The following ZBTB7C variants were observed in gnomAD, a reference collection of about 807,000 sequenced individuals.
The protein encoded by ZBTB7C is zinc finger and BTB domain containing 7C.
Under a neutral mutation model 25.7 loss-of-function variants are expected in ZBTB7C, and 8 were observed. The ratio of observed to expected loss-of-function variants is 0.31; its 90% CI spans 0.18 to 0.56. The LOEUF is 0.56. Ranked by LOEUF, ZBTB7C falls within the 20% of genes least tolerant of loss-of-function variation. The pLI is 0.91. For synonymous variants in ZBTB7C, 394 were observed against 369.0 expected, an observed-to-expected ratio of 1.07 and a Z score of -0.78; for missense variants, 824 against 855.2, an observed-to-expected ratio of 0.96 and a Z score of 0.46.
intron 3 of ZBTB7C, among the ~76,000 whole-genome samples, chr18:48,132,902 T>C (rs1273391676): frequency 6.6e-6 from 1 of 152,246 alleles, no homozygotes; most frequent in East Asian, 1.9e-4. Flanking sequence ...CAGATTTTCC[T>C]GAAGGCCAAG....
At chr18:48,318,885 T>C (rs976505624) in intron 2 of ZBTB7C, among the ~76,000 whole-genome samples, 4 of 152,160 alleles carry the variant, frequency 2.6e-5, no homozygotes, top group Non-Finnish European at 2.9e-5. Flanking sequence ...TTCCAGCCTG[T>C]TCCCCTCCCC....
Position 48,307,561 on chromosome 18 carries a change from C to T in ZBTB7C, c.-79+30613G>A, listed in dbSNP as rs184574168. Among the ~76,000 whole-genome samples, 6 of 152,326 alleles carry T rather than the reference C, an allele frequency of 3.9e-5. No homozygotes were observed. The East Asian group carries it at 1.2e-3, about 29-fold the overall frequency. Reference sequence around the variant, plus strand: ...GCAATGTATAATGCTGTTTAAAACCCACCTCTGGCCGGGTGCGGTGGCTCA... The same window carrying T: ...GCAATGTATAATGCTGTTTAAAACCTACCTCTGGCCGGGTGCGGTGGCTCA... On this transcript the variant is annotated intron_variant, in intron 2 of 4. Coordinates refer to ENST00000590800, the MANE Select transcript of ZBTB7C (RefSeq NM_001318841.2).
chr18:48,271,275 A>G (rs2044478521), intron 2 of ZBTB7C, among the ~76,000 whole-genome samples: 2 of 152,138 alleles, frequency 1.3e-5, no homozygotes, highest in South Asian at 4.1e-4. Flanking sequence ...AACGTCACAC[A>G]GAGGGTACAA....
At position 48,104,340 on chromosome 18, in the gene ZBTB7C, C is replaced by T. The variant is rs75278115; in HGVS notation, c.-16-63217G>A. On this transcript the variant is annotated intron_variant, in intron 3 of 4. Coordinates refer to ENST00000590800, the MANE Select transcript of ZBTB7C (RefSeq NM_001318841.2). ...CTTCCTTCCTCTCATGATGTGATGC[C>T]AGCTCCCCTTCCTCTTCCACCATGA... is the stretch of plus-strand genomic sequence containing the variant. Among the ~76,000 whole-genome samples the T allele has an allele frequency of 8.4e-3, 1,276 of 152,212 alleles. 24 individuals are homozygous for T. The highest frequency in any genetic ancestry group is 5.6e-3 in the South Asian group (27 of 4,814).
intron 2 of ZBTB7C, among the ~76,000 whole-genome samples, chr18:48,204,212 A>G (rs541931048): frequency 1.3e-5 from 2 of 152,306 alleles, no homozygotes; most frequent in South Asian, 4.1e-4. Flanking sequence ...GGGTCCTCAC[A>G]GAGACAGCAG....
chr18:48,358,222 G>A (rs376873075), intron 1 of ZBTB7C, among the ~76,000 whole-genome samples: 3 of 152,130 alleles, frequency 2.0e-5, no homozygotes, highest in East Asian at 3.9e-4. Context: ...CATGGTGGCG[G>A]GCACCTGTAA....
chr18:48,057,975 C>T (rs1221604734), intron 3 of ZBTB7C, among the ~76,000 whole-genome samples: 1 of 152,180 alleles, frequency 6.6e-6, no homozygotes, highest in Middle Eastern at 3.2e-3. Flanking sequence ...GCAAGCTGTG[C>T]ATCACAGCTG....
intron 1 of ZBTB7C, among the ~76,000 whole-genome samples, chr18:48,341,248 TC>T (rs1384516589): frequency 5.9e-5 from 9 of 152,164 alleles, no homozygotes; most frequent in Non-Finnish European, 2.9e-5. Context: ...GGAGCTCTTT[TC>T]CCCCGGAGAT....
intron 2 of ZBTB7C, among the ~76,000 whole-genome samples, chr18:48,215,223 G>T (rs945477678): frequency 6.6e-6 from 1 of 152,140 alleles, no homozygotes; most frequent in Non-Finnish European, 1.5e-5. Context: ...CGGTCCACTT[G>T]GGGTAGACTC....
chr18:48,040,179 A>T lies in ZBTB7C; in HGVS notation c.929T>A (p.Phe310Tyr). Residue 310 changes from phenylalanine (F) to tyrosine (Y), a missense_variant, in exon 4 of 5, where the codon TTC (phenylalanine) becomes TAC (tyrosine). Coordinates refer to ENST00000590800, the MANE Select transcript of ZBTB7C (RefSeq NM_001318841.2). ...CGGCAGGTCAGGGAACATGTCCTTGAAGAAGTCATTAGGGAAGGGTGGCGG... is the reference window on the plus strand; with the variant it reads ...CGGCAGGTCAGGGAACATGTCCTTGTAGAAGTCATTAGGGAAGGGTGGCGG... ...PPPPPFPNDF[F>Y]KDMFPDLPGG... is the part of the protein sequence containing the mutation. The T allele has an allele frequency of 1.9e-6, 3 of 1,576,362 alleles. No individual in the cohort carries two copies. The highest frequency in any genetic ancestry group is 1.7e-6 in the Non-Finnish European group (2 of 1,162,292).
chr18:48,048,679 T>C (rs2036565782), intron 3 of ZBTB7C, among the ~76,000 whole-genome samples: 1 of 152,196 alleles, frequency 6.6e-6, no homozygotes, highest in Non-Finnish European at 1.5e-5. Flanking sequence ...AGACATCTTA[T>C]GGGTGTTTTT....
At chr18:48,134,439 G>GT (rs140405371) in intron 3 of ZBTB7C, among the ~76,000 whole-genome samples, 6,804 of 152,286 alleles carry the variant, frequency 0.045, 177 homozygotes, top group Middle Eastern at 0.1. Context: ...AAATGGCATT[G>GT]TAAGTGGAGA....
intron 2 of ZBTB7C, among the ~76,000 whole-genome samples, chr18:48,241,388 A>G (rs572212033): frequency 2.0e-5 from 3 of 152,324 alleles, no homozygotes; most frequent in African/African-American, 7.2e-5. Context: ...TCTACCCAAC[A>G]ACTGCAGAAT....
chr18:48,282,575 T>G (rs1463595463), intron 2 of ZBTB7C, among the ~76,000 whole-genome samples: 1 of 152,098 alleles, frequency 6.6e-6, no homozygotes, highest in African/African-American at 2.4e-5. Flanking sequence ...GTAGCATTGG[T>G]TTTAATAGTC....
chr18:48,201,272 A>G (rs944375584), intron 2 of ZBTB7C, among the ~76,000 whole-genome samples: 3 of 152,358 alleles, frequency 2.0e-5, no homozygotes, highest in South Asian at 2.1e-4. Flanking sequence ...TTTAAAAAAC[A>G]TCAACATCAA....
At chr18:48,389,342 G>A (rs1362206784) in intron 1 of ZBTB7C, among the ~76,000 whole-genome samples, 1 of 136,240 alleles carries the variant, frequency 7.3e-6, no homozygotes, top group Non-Finnish European at 1.5e-5. Flanking sequence ...AGAACAGGGT[G>A]AAGGCAGAGG....
chr18:48,216,342 G>C (rs2042822488), intron 2 of ZBTB7C, among the ~76,000 whole-genome samples: 1 of 152,156 alleles, frequency 6.6e-6, no homozygotes, highest in African/African-American at 2.4e-5. Flanking sequence ...GCCTGAGGGG[G>C]TAGAAAATGC....
At chr18:48,406,140 A>AC (rs1418562493) in intron 1 of ZBTB7C, among the ~76,000 whole-genome samples, 5 of 151,828 alleles carry the variant, frequency 3.3e-5, no homozygotes, top group African/African-American at 1.2e-4. Flanking sequence ...CAGATCCCAC[A>AC]CCCCCGCCCC....
chr18:48,232,785 T>G (rs1251836561), intron 2 of ZBTB7C, among the ~76,000 whole-genome samples: 2 of 152,212 alleles, frequency 1.3e-5, no homozygotes, highest in East Asian at 3.8e-4. Context: ...CCAGTTATTA[T>G]TCTCAGCAGT....
Sources: gnomAD v4.1 joint callset for allele counts (sites outside exome capture counted in the v4.1 genomes callset) on GRCh38, gnomAD v4.1.1 for gene constraint, MANE v1.5 for transcripts, NCBI Gene and HGNC (gene_info 2026-07-23, HGNC 2026-07-21) for gene names.